The following PRSS55 variants were observed in gnomAD, a reference collection of about 807,000 sequenced individuals.
The protein encoded by PRSS55 is probable serine protease UNQ9391/PRO34284.
Under a neutral mutation model 23.6 loss-of-function variants are expected in PRSS55, and 41 were observed. The observed-to-expected ratio is 1.74, with a 90% CI of 1.35 to 2.26. The LOEUF (loss-of-function observed/expected upper bound fraction) is 2.26, where lower values mean the gene tolerates loss of function less well. Among genes scored for constraint, PRSS55 ranks in the 30% most tolerant of loss-of-function variants. The pLI is 0.00. For missense variants in PRSS55, 669 were observed against 439.1 expected, an observed-to-expected ratio of 1.52 and a Z score of -4.68; for synonymous variants, 262 against 175.5, an observed-to-expected ratio of 1.49 and a Z score of -3.90.
In PRSS55 at chr8:10,531,306, T is replaced by A. The variant is rs1490650020; in HGVS notation, c.359T>A (p.Leu120Gln). The A allele has an allele frequency of 6.2e-7, 1 of 1,614,062 alleles. No individual in the cohort carries two copies. The highest frequency in any genetic ancestry group is 1.1e-5 in the South Asian group (1 of 91,074). ...LYSEELFPEELSVVLGTNDLT... is the reference protein window; with the variant it reads ...LYSEELFPEEQSVVLGTNDLT... Reference sequence around the variant, plus strand: ...TTCTCTGCCACCAGTCCAGAAGAACTGAGTGTCGTGCTGGGGACCAACGAC... The same window carrying A: ...TTCTCTGCCACCAGTCCAGAAGAACAGAGTGTCGTGCTGGGGACCAACGAC... The change falls in exon 3 of 5, where the codon CTG becomes CAG. Residue 120 changes from leucine (L) to glutamine (Q), a missense_variant. Transcript: ENST00000328655.
chr8:10,538,921 C>T (rs1812555896), downstream of PRSS55: 2 of 932,248 alleles, frequency 2.1e-6, no homozygotes, highest in East Asian at 2.5e-5. Flanking sequence ...ACCAGAGAGT[C>T]ACCCTGGGTC....
At chr8:10,542,147 T>C (rs1031326359), downstream of PRSS55, among the ~76,000 whole-genome samples, 4 of 152,132 alleles carry the variant, frequency 2.6e-5, no homozygotes, top group African/African-American at 9.7e-5. Context: ...ATCCAGTCAA[T>C]TGTGATTAGT....
At chr8:10,539,561 C>G (rs1812584274), downstream of PRSS55, among the ~76,000 whole-genome samples, 1 of 152,204 alleles carries the variant, frequency 6.6e-6, no homozygotes, top group Non-Finnish European at 1.5e-5. Flanking sequence ...AATTATAGCT[C>G]CCATAATTCC....
At chr8:10,549,118 T>G (rs1465786824) in intron 4 of PRSS55, among the ~76,000 whole-genome samples, 1 of 152,148 alleles carries the variant, frequency 6.6e-6, no homozygotes, top group Non-Finnish European at 1.5e-5. Context: ...TCGCTTACCC[T>G]GGTCTAGAGG....
Position 10,534,498 on chromosome 8 carries a change from G to C in PRSS55, c.741+1450G>C, listed in dbSNP as rs553083652. 1.7e-4 allele frequency among the ~76,000 whole-genome samples: 26 copies of C among 152,314 alleles called. No homozygotes were observed. In the South Asian group the frequency reaches 5.4e-3, roughly 32 times the overall value. On this transcript the variant is annotated intron_variant, in intron 4 of 4. Transcript: ENST00000328655. ...TGTAGCTGCTCAGCTCCTTTGGTAAGAGAGTAATATAACAAAGGTAGGGAG... is the reference window on the plus strand; with the variant it reads ...TGTAGCTGCTCAGCTCCTTTGGTAACAGAGTAATATAACAAAGGTAGGGAG...
rs778498932 is a variant in PRSS55 at position 10,538,565 on chromosome 8, A to T, written c.831A>T (p.Gly277=). 6.2e-7 allele frequency: 1 copy of T among 1,614,156 alleles called. No homozygotes were observed. Among genetic ancestry groups the T allele is most frequent in the Non-Finnish European group, 8.5e-7 (1 of 1,180,002 alleles). Reference sequence around the variant, plus strand: ...TCATAAGCTGGGGAAAGAGCTGTGGAGAGAAGAACACCCCAGGGATATACA... The same window carrying T: ...TCATAAGCTGGGGAAAGAGCTGTGGTGAGAAGAACACCCCAGGGATATACA... ...VGIISWGKSC[G]EKNTPGIYTS... is the part of the protein sequence containing the mutation. Residue 277 remains glycine (G), a synonymous_variant, in exon 5 of 5, where the codon GGA becomes GGT. Transcript: ENST00000328655.
Position 10,529,700 on chromosome 8 carries a change from G to T in PRSS55, c.347+1G>T, listed in dbSNP as rs200141175. The T allele has an allele frequency of 4.8e-5, 77 of 1,610,848 alleles. No homozygotes were observed. The highest frequency in any genetic ancestry group is 1.8e-4 in the South Asian group (16 of 90,870). On this transcript the variant is annotated splice_donor_variant, in intron 2 of 4. Coordinates refer to ENST00000328655, the MANE Select transcript of PRSS55 (RefSeq NM_198464.4). LOFTEE classifies it high-confidence loss of function. ...ACTGCTTATATTCCGAGGAGCTGTT[G>T]TAAGTACCATGGGCCTCCCACTGCC...
chr8:10,545,359 G>A (rs531264820), intron 4 of PRSS55, among the ~76,000 whole-genome samples: 33 of 152,014 alleles, frequency 2.2e-4, no homozygotes, highest in Non-Finnish European at 4.0e-4. Flanking sequence ...CATCATGCCT[G>A]GCTAATTTTA....
chr8:10,543,374 G>C (rs1483579180), downstream of PRSS55, among the ~76,000 whole-genome samples: 1 of 151,616 alleles, frequency 6.6e-6, no homozygotes, highest in African/African-American at 2.4e-5. Flanking sequence ...CTAGAGCCAG[G>C]CATGCCTGAA....
chr8:10,549,685 A>G (rs1335910577), intron 4 of PRSS55, among the ~76,000 whole-genome samples: 3 of 152,184 alleles, frequency 2.0e-5, no homozygotes, highest in Non-Finnish European at 4.4e-5. Flanking sequence ...CGTCGGTTCC[A>G]ACGCTCAGTG....
intron 4 of PRSS55, among the ~76,000 whole-genome samples, chr8:10,552,020 CG>C (rs1260188205): frequency 6.6e-6 from 1 of 152,154 alleles, no homozygotes; most frequent in Non-Finnish European, 1.5e-5. Flanking sequence ...CAGAACGTGC[CG>C]GAAGTTACTG....
At chr8:10,533,402 T>G (rs867441630) in intron 4 of PRSS55, among the ~76,000 whole-genome samples, 1 of 152,142 alleles carries the variant, frequency 6.6e-6, no homozygotes, top group Non-Finnish European at 1.5e-5. Flanking sequence ...TTAGAAACCT[T>G]TGTTGAGCAT....
rs1182499294 is a variant in PRSS55, at chr8:10,545,081, G to C, written c.742-8862G>C. 3 of 893,358 alleles carry C rather than the reference G, an allele frequency of 3.4e-6. No individual in the cohort carries two copies. The African/African-American group carries it at 5.4e-5, about 16-fold the overall frequency. 55.3% of individuals were successfully genotyped at this position (893,358 alleles called of 1,614,324 possible). ...TGTGAGGAAAAAGACCAGGGCTTTT[G>C]GTTTTTGGTTTTGCTTCGAAATTTC... is the stretch of plus-strand genomic sequence containing the variant. On this transcript the variant is annotated intron_variant, in intron 4 of 4. Coordinates refer to the PRSS55 transcript ENST00000522210.
intron 3 of PRSS55, among the ~76,000 whole-genome samples, chr8:10,532,150 G>C (rs372197928): frequency 3.9e-5 from 6 of 152,126 alleles, no homozygotes; most frequent in Non-Finnish European, 7.3e-5. Flanking sequence ...GGAGGCTCTC[G>C]ATCCACAGGG....
intron 1 of PRSS55, among the ~76,000 whole-genome samples, chr8:10,528,724 C>T (rs1175169501): frequency 6.6e-6 from 1 of 152,236 alleles, no homozygotes; most frequent in Non-Finnish European, 1.5e-5. Flanking sequence ...GCTTAAACAA[C>T]ACAAATGTCT....
At chr8:10,536,230 A>G (rs1347750054) in intron 4 of PRSS55, among the ~76,000 whole-genome samples, 3 of 152,140 alleles carry the variant, frequency 2.0e-5, no homozygotes, top group Non-Finnish European at 4.4e-5. Flanking sequence ...AAGAAGACAT[A>G]CATGCAGCCA....
chr8:10,548,090 G>T (rs1812862970), intron 4 of PRSS55, among the ~76,000 whole-genome samples: 1 of 152,146 alleles, frequency 6.6e-6, no homozygotes, highest in African/African-American at 2.4e-5. Context: ...GTGTCTCGGG[G>T]ATCTCTGGGC....
At chr8:10,554,117 G>A in exon 5 of PRSS55, 3 of 818,738 alleles carry the variant, frequency 3.7e-6, no homozygotes, top group Non-Finnish European at 3.7e-6. Flanking sequence ...AATCTTTGAG[G>A]GTGTTTTCTG....
chr8:10,531,176 A>G (rs779444571), intron 2 of PRSS55, 119 bp from the exon 3 acceptor site: 207 of 1,224,952 alleles, frequency 1.7e-4, no homozygotes, highest in Non-Finnish European at 2.3e-4. Context: ...CAACAGCCCC[A>G]GTAGGGTTTA....
Sources: gnomAD v4.1 joint callset for allele counts (sites outside exome capture counted in the v4.1 genomes callset) on GRCh38, gnomAD v4.1.1 for gene constraint, MANE v1.5 for transcripts, NCBI Gene and HGNC (gene_info 2026-07-23, HGNC 2026-07-21) for gene names.